Variants in GFRA2 observed in about 807,000 individuals in gnomAD.
The protein encoded by GFRA2 is GDNF family receptor alpha 2.
GFRA2 carries 17 observed loss-of-function variants against 48.3 expected under a neutral mutation model. The observed-to-expected ratio is 0.35, with a 90% CI of 0.24 to 0.53. The LOEUF (loss-of-function observed/expected upper bound fraction) is 0.53. Among genes scored for constraint, GFRA2 ranks in the 20% least tolerant of loss-of-function variants. GFRA2 has a pLI of 0.93. For synonymous variants in GFRA2, 305 were observed against 257.2 expected, an observed-to-expected ratio of 1.19 and a Z score of -1.78; for missense variants, 660 against 637.3, an observed-to-expected ratio of 1.04 and a Z score of -0.38.
At chr8:21,764,021 G>T (rs1221690342) in intron 3 of GFRA2, among the ~76,000 whole-genome samples, 1 of 148,614 alleles carries the variant, frequency 6.7e-6, no homozygotes, top group Non-Finnish European at 1.5e-5. Context: ...CAGCTGACTG[G>T]TCTCACTTTG....
At chr8:21,804,307 G>C (rs949712313) in intron 2 of GFRA2, among the ~76,000 whole-genome samples, 13 of 151,826 alleles carry the variant, frequency 8.6e-5, no homozygotes, top group Admixed American at 8.5e-4. Flanking sequence ...CCTTAGGTAA[G>C]TCCCTTCACC....
intron 3 of GFRA2, among the ~76,000 whole-genome samples, chr8:21,755,465 T>A (rs1468242054): frequency 6.6e-6 from 1 of 152,172 alleles, no homozygotes; most frequent in Admixed American, 6.5e-5. Flanking sequence ...TCCCAATCAA[T>A]CCATTAATAT....
rs569724541 is a variant in GFRA2 at position 21,705,920 on chromosome 8, G to A, written c.904+12C>T. The A allele has an allele frequency of 2.6e-5, 39 of 1,517,496 alleles. No homozygotes were observed. Among genetic ancestry groups the A allele is most frequent in the Non-Finnish European group, 3.4e-5 (38 of 1,114,784 alleles). The allele number at this position is 1,517,496 out of a possible 1,614,324, so 94.0% of individuals were successfully genotyped here. A position where few individuals can be genotyped will look rare whatever the true frequency, so the allele number is the denominator to read the frequency against. On this transcript the variant is annotated intron_variant, in intron 5 of 8. Transcript: ENST00000524240. ...AGGACCCACAGAGCCCAGGTGAGCA[G>A]GAAGAGCTTACCAATCATGCCAGCA...
In GFRA2 at chr8:21,750,906, T is replaced by C; in HGVS notation, c.476A>G (p.Asn159Ser). The C allele has an allele frequency of 3.1e-6, 5 of 1,613,316 alleles. No individual in the cohort carries two copies. Among genetic ancestry groups the C allele is most frequent in the Non-Finnish European group, 4.2e-6 (5 of 1,179,700 alleles). Residue 159 changes from asparagine (N) to serine (S), a missense_variant, in exon 4 of 9, where the codon AAC becomes AGC. Asn to Ser is a conservative substitution (Grantham distance 46, BLOSUM62 1). Transcript: ENST00000524240. This position sits in a 1 kb window ranked among gnomAD's most constrained non-coding sequence, Gnocchi z 5.7. ...GADPVVSAKS[N>S]HCLDAAKACN... is the part of the protein sequence containing the mutation. ...GGCCTTGGCAGCATCCAGGCAATGG[T>C]TGCTCTTGGCGCTGACCACCGGGTC...
chr8:21,726,393 G>A (rs903025325), intron 4 of GFRA2, among the ~76,000 whole-genome samples: 1 of 152,178 alleles, frequency 6.6e-6, no homozygotes, highest in Non-Finnish European at 1.5e-5. Context: ...GGGAGACCCC[G>A]CCTCACTAGC....
At chr8:21,746,199 C>CA (rs1804995353) in intron 4 of GFRA2, among the ~76,000 whole-genome samples, 2 of 152,160 alleles carry the variant, frequency 1.3e-5, no homozygotes, top group African/African-American at 4.8e-5. Context: ...CAGCAACCTC[C>CA]ATCCATCACC....
Position 21,782,588 on chromosome 8 carries a change from C to G in GFRA2, c.352G>C (p.Glu118Gln). ...IYWSIHLGLTEGEEFYEASPY... is the reference protein window; with the variant it reads ...IYWSIHLGLTQGEEFYEASPY... ...GGCAAGCCCCGCCCAGGCTTACCCT[C>G]GGTCAGCCCCAGGTGGATGCTCCAG... Residue 118 changes from glutamate (E) to glutamine (Q), a missense_variant, in exon 2 of 9, where the codon GAG becomes CAG. Glu to Gln is a conservative substitution (Grantham distance 29). Coordinates refer to ENST00000524240, the MANE Select transcript of GFRA2 (RefSeq NM_001495.5). The G allele has an allele frequency of 1.3e-6, 2 of 1,569,374 alleles. No individual in the cohort carries two copies. The highest frequency in any genetic ancestry group is 1.7e-6 in the Non-Finnish European group (2 of 1,156,252).
At chr8:21,696,615 T>A (rs1427758427) in intron 7 of GFRA2, among the ~76,000 whole-genome samples, 1 of 152,178 alleles carries the variant, frequency 6.6e-6, no homozygotes, top group South Asian at 2.1e-4. Flanking sequence ...CCAAGTGCAT[T>A]TTCCCTGGCC....
chr8:21,784,333 C>G (rs1399540637), intron 1 of GFRA2: 1 of 456,076 alleles, frequency 2.2e-6, no homozygotes, highest in Non-Finnish European at 4.4e-6. Context: ...CCATGACTGC[C>G]CTTTCCTGGA....
chr8:21,751,215 G>A (rs35198799), intron 3 of GFRA2, among the ~76,000 whole-genome samples: 9,873 of 152,204 alleles, frequency 0.065, 434 homozygotes, highest in Non-Finnish European at 0.086. Flanking sequence ...GGACAATAGT[G>A]GACTTAAAAT....
chr8:21,741,941 A>AAAGG (rs1317345569), intron 4 of GFRA2, among the ~76,000 whole-genome samples: 14 of 151,854 alleles, frequency 9.2e-5, no homozygotes, highest in African/African-American at 3.1e-4. Context: ...AAAAAGAAAG[A>AAAGG]AAGAAAGAAA....
intron 3 of GFRA2, among the ~76,000 whole-genome samples, chr8:21,768,894 G>A (rs1806307646): frequency 6.6e-6 from 1 of 152,140 alleles, no homozygotes. Context: ...GAGCCCCCAG[G>A]CTCAAAAGAC....
At chr8:21,793,674 A>G (rs1807617931), upstream of GFRA2, among the ~76,000 whole-genome samples, 1 of 152,142 alleles carries the variant, frequency 6.6e-6, no homozygotes, top group Non-Finnish European at 1.5e-5. Flanking sequence ...TTTAAGTGGC[A>G]GAATCTGGAT....
intron 1 of GFRA2, among the ~76,000 whole-genome samples, chr8:21,808,542 T>TTCATA (rs1404828640): frequency 3.3e-5 from 5 of 152,338 alleles, no homozygotes; most frequent in African/African-American, 1.2e-4. Context: ...TGAACCCCTG[T>TTCATA]AGGACGGGAC....
intron 1 of GFRA2, among the ~76,000 whole-genome samples, chr8:21,787,511 T>C (rs1807341815): frequency 6.6e-6 from 1 of 151,926 alleles, no homozygotes; most frequent in East Asian, 1.9e-4. Flanking sequence ...ACTTGAAAAG[T>C]GTTCCGGGGA....
intron 3 of GFRA2, among the ~76,000 whole-genome samples, chr8:21,762,141 T>G (rs1042254077): frequency 6.6e-6 from 1 of 151,974 alleles, no homozygotes; most frequent in African/African-American, 2.4e-5. Flanking sequence ...AAGCAAAAGA[T>G]CTTCAGGGCT....
chr8:21,748,440 G>A lies in GFRA2; in HGVS notation c.794+2148C>T, dbSNP rs112986494. 1.7e-3 allele frequency among the ~76,000 whole-genome samples: 259 copies of A among 152,158 alleles called. 3 individuals are homozygous for A. Among genetic ancestry groups the A allele is most frequent in the Non-Finnish European group, 2.7e-3 (187 of 68,014 alleles). Reference sequence around the variant, plus strand: ...AGTAAACAAAACAGAAATAGTTCTCGCCACCAGGGTTCTATCTCCAGGTGA... The same window carrying A: ...AGTAAACAAAACAGAAATAGTTCTCACCACCAGGGTTCTATCTCCAGGTGA... On this transcript the variant is annotated intron_variant, in intron 4 of 8. Coordinates refer to ENST00000524240, the MANE Select transcript of GFRA2 (RefSeq NM_001495.5).
Position 21,702,994 on chromosome 8 carries a change from G to A in GFRA2, c.1046-17C>T. On this transcript the variant is annotated splice_polypyrimidine_tract_variant and intron_variant, in intron 6 of 8. Transcript: ENST00000524240. The stretch of plus-strand genomic sequence containing the variant: ...TGGCGTTCCCTGGGATGGGGGTGAG[G>A]GCAGATGCAGAGAAGTCAGAACCCA... 3.4e-6 allele frequency: 5 copies of A among 1,482,782 alleles called. No homozygotes were observed. The highest frequency in any genetic ancestry group is 4.5e-6 in the Non-Finnish European group (5 of 1,118,512). The allele number at this position is 1,482,782 out of a possible 1,614,324, so 91.9% of individuals were successfully genotyped here.
intron 3 of GFRA2, 103 bp from the exon 4 acceptor site, chr8:21,751,045 T>C: frequency 1.3e-6 from 1 of 789,078 alleles, no homozygotes; most frequent in Non-Finnish European, 2.1e-6. Flanking sequence ...TATGCTTCCA[T>C]GTGCCTGCTC....
Sources: allele counts gnomAD v4.1 joint callset (sites outside exome capture counted in the v4.1 genomes callset), GRCh38; gene constraint gnomAD v4.1.1; non-coding constraint Gnocchi (gnomAD v3.1); transcripts MANE v1.5; gene names NCBI Gene and HGNC (gene_info 2026-07-23, HGNC 2026-07-21).